The following CACUL1 variants were observed in gnomAD, a reference collection of about 807,000 sequenced individuals.
The protein encoded by CACUL1 is CDK2-associated and cullin domain-containing protein 1.
CACUL1 carries 13 observed loss-of-function variants against 45.2 expected under a neutral mutation model. The observed-to-expected ratio is 0.29, with a 90% confidence interval of 0.19 to 0.46. CACUL1 has a LOEUF of 0.46. CACUL1 is among the 20% of genes least tolerant of loss of function. The pLI is 1.00. For synonymous variants in CACUL1, 197 were observed against 174.2 expected, an observed-to-expected ratio of 1.13 and a Z score of -1.03; for missense variants, 421 against 471.4, an observed-to-expected ratio of 0.89 and a Z score of 0.99.
chr10:118,691,471 A>C (rs538431208), intron 6 of CACUL1, 68 bp from the exon 7 acceptor site: 13 of 1,437,260 alleles, frequency 9.0e-6, no homozygotes, highest in Middle Eastern at 1.9e-4. Context: ...GAAAAGGGAA[A>C]GTTTTCTTTT....
In CACUL1 at chr10:118,754,490, C is replaced by T; in HGVS notation, c.273G>A (p.Leu91=). The stretch of plus-strand genomic sequence containing the variant: ...CGGCGGCGGCCGCGTCGCAGCTCTT[C>T]AACATCATGATCACCCCATTAGCCT... ...PPEANGVIMM[L]KSCDAAAAVA... The change falls in exon 1 of 9, where the codon TTG becomes TTA. Residue 91 remains leucine, a synonymous_variant. Coordinates refer to ENST00000369151, the MANE Select transcript of CACUL1 (RefSeq NM_153810.5). 3 of 1,613,000 alleles carry T rather than the reference C, an allele frequency of 1.9e-6. No homozygotes were observed. Among genetic ancestry groups the T allele is most frequent in the Non-Finnish European group, 2.5e-6 (3 of 1,179,512 alleles).
chr10:118,715,200 C>A (rs1180987699), intron 3 of CACUL1, among the ~76,000 whole-genome samples: 1 of 152,082 alleles, frequency 6.6e-6, no homozygotes, highest in Non-Finnish European at 1.5e-5. Context: ...CGAAATACCA[C>A]TAAAAATATA....
chr10:118,707,703 A>AC (rs1249091352), intron 3 of CACUL1, 116 bp from the exon 4 acceptor site: 7 of 309,822 alleles, frequency 2.3e-5, no homozygotes, highest in East Asian at 1.1e-4. Flanking sequence ...ACAATTAACA[A>AC]AAAAAAAAAA....
chr10:118,751,794 G>GT (rs1845900780), intron 1 of CACUL1, among the ~76,000 whole-genome samples: 1 of 152,114 alleles, frequency 6.6e-6, no homozygotes, highest in Non-Finnish European at 1.5e-5. Flanking sequence ...TAGTATTCTT[G>GT]TAAGTAATTT....
At chr10:118,721,059 T>C (rs1441886188) in intron 3 of CACUL1, among the ~76,000 whole-genome samples, 1 of 152,218 alleles carries the variant, frequency 6.6e-6, no homozygotes, top group African/African-American at 2.4e-5. Flanking sequence ...AAAATCTTAT[T>C]CACTTTAGCA....
intron 1 of CACUL1, among the ~76,000 whole-genome samples, chr10:118,733,658 T>C (rs1166838830): frequency 6.6e-6 from 1 of 152,212 alleles, no homozygotes; most frequent in Admixed American, 6.5e-5. Context: ...AACTAGATCC[T>C]CTTGTTAAGA....
chr10:118,738,207 T>C (rs1001106515), intron 1 of CACUL1, among the ~76,000 whole-genome samples: 2 of 152,100 alleles, frequency 1.3e-5, no homozygotes, highest in Admixed American at 6.5e-5. Flanking sequence ...CAGGCATTTT[T>C]GGAAATGGGT....
rs141851356 is a variant in CACUL1 at position 118,720,395 on chromosome 10, C to T, written c.597+8900G>A. 2.9e-3 allele frequency among the ~76,000 whole-genome samples: 435 copies of T among 152,334 alleles called. 3 individuals carry two copies. Among genetic ancestry groups the T allele is most frequent in the African/African-American group, 0.01 (417 of 41,564 alleles). Reference sequence around the variant, plus strand: ...GTAACACTTAGCAAACAGTAACTTACTTACACTACTTACACCTATTTGCTA... The same window carrying T: ...GTAACACTTAGCAAACAGTAACTTATTTACACTACTTACACCTATTTGCTA... On this transcript the variant is annotated intron_variant, in intron 3 of 8. Transcript: ENST00000369151.
intron 5 of CACUL1, among the ~76,000 whole-genome samples, chr10:118,700,755 G>A (rs1002611472): frequency 2.7e-5 from 4 of 148,676 alleles, no homozygotes; most frequent in Non-Finnish European, 4.4e-5. Flanking sequence ...GAGGAGAAAC[G>A]AACTGAGCTT....
At chr10:118,748,207 C>A (rs766818491) in intron 1 of CACUL1, among the ~76,000 whole-genome samples, 2 of 152,212 alleles carry the variant, frequency 1.3e-5, no homozygotes, top group Non-Finnish European at 2.9e-5. Context: ...CGCACTCCGA[C>A]ATGTCTTATT....
At chr10:118,699,046 A>G (rs1845351462) in intron 5 of CACUL1, among the ~76,000 whole-genome samples, 1 of 152,220 alleles carries the variant, frequency 6.6e-6, no homozygotes, top group African/African-American at 2.4e-5. Flanking sequence ...AAATGGAGGT[A>G]ATGACTATAC....
chr10:118,680,956 C>T lies in CACUL1; in HGVS notation c.*5172G>A, dbSNP rs934672593. The T allele has an allele frequency of 6.6e-6, 1 of 152,162 alleles. No homozygotes were observed. The highest frequency in any genetic ancestry group is 1.5e-5 in the Non-Finnish European group (1 of 68,026). 9.4% of individuals were successfully genotyped at this position (152,162 alleles called of 1,614,324 possible). Reference sequence around the variant, plus strand: ...GGTATTAAGGCCAAGGACATCTGTACAGGATTTATAACATAACATAACAAG... The same window carrying T: ...GGTATTAAGGCCAAGGACATCTGTATAGGATTTATAACATAACATAACAAG... On this transcript the variant is annotated 3_prime_UTR_variant, in exon 9 of 9. Coordinates refer to ENST00000369151, the MANE Select transcript of CACUL1 (RefSeq NM_153810.5).
chr10:118,731,108 T>A (rs1845693612), intron 1 of CACUL1, among the ~76,000 whole-genome samples: 1 of 152,290 alleles, frequency 6.6e-6, no homozygotes, highest in African/African-American at 2.4e-5. Flanking sequence ...AAAGCATTTG[T>A]ACAGTGGATC....
chr10:118,736,693 A>G (rs900973404), intron 1 of CACUL1, among the ~76,000 whole-genome samples: 8 of 152,188 alleles, frequency 5.3e-5, no homozygotes, highest in Non-Finnish European at 8.8e-5. Context: ...CAATGTTTTT[A>G]AAGTCTAGAG....
intron 3 of CACUL1, among the ~76,000 whole-genome samples, chr10:118,714,597 G>A (rs1026606909): frequency 6.6e-6 from 1 of 152,032 alleles, no homozygotes; most frequent in Admixed American, 6.6e-5. Context: ...AAGTCTAACC[G>A]TAGTTTGTCA....
intron 1 of CACUL1, among the ~76,000 whole-genome samples, chr10:118,744,493 C>T (rs532599642): frequency 5.2e-4 from 79 of 152,206 alleles, no homozygotes; most frequent in African/African-American, 1.7e-3. Context: ...AGTGAGGAAA[C>T]GGAACTAATT....
chr10:118,754,732 C>T lies in CACUL1; in HGVS notation c.31G>A (p.Gly11Ser). The change falls in exon 1 of 9, where the codon GGC (glycine) becomes AGC (serine). Residue 11 changes from glycine (G) to serine (S), a missense_variant. Physicochemically the swap from Gly to Ser is moderately conservative, Grantham distance 56. Coordinates refer to ENST00000369151, the MANE Select transcript of CACUL1 (RefSeq NM_153810.5). MEESMEEEEG[G>S]SYEAMMDDQN... Reference sequence around the variant, plus strand: ...TCGTCCATCATCGCCTCGTAGCTGCCCCCCTCCTCCTCTTCCATGCTTTCC... The same window carrying T: ...TCGTCCATCATCGCCTCGTAGCTGCTCCCCTCCTCCTCTTCCATGCTTTCC... 1.9e-6 allele frequency: 3 copies of T among 1,600,994 alleles called. No homozygotes were observed. Among genetic ancestry groups the T allele is most frequent in the Non-Finnish European group, 2.6e-6 (3 of 1,175,162 alleles).
rs946062407 is a variant in CACUL1, at chr10:118,676,660, T to C, written c.*9468A>G. The C allele has an allele frequency of 1.3e-5, 2 of 152,182 alleles. No homozygotes were observed. The highest frequency in any genetic ancestry group is 4.8e-5 in the African/African-American group (2 of 41,406). The allele number at this position is 152,182 out of a possible 1,614,324, so 9.4% of individuals were successfully genotyped here. A position where few individuals can be genotyped will look rare whatever the true frequency, so the allele number is the denominator to read the frequency against. On this transcript the variant is annotated 3_prime_UTR_variant, in exon 9 of 9. Coordinates refer to ENST00000369151, the MANE Select transcript of CACUL1 (RefSeq NM_153810.5). ...GAGTTTCAAAAATGACAAGCATTTT[T>C]AATCATGACTCTCTCTAAAAGAACA...
chr10:118,744,180 G>T lies in CACUL1; in HGVS notation c.367+10216C>A, dbSNP rs1845818913. Among the ~76,000 whole-genome samples the T allele has an allele frequency of 2.0e-5, 3 of 152,224 alleles. No homozygotes were observed. In the South Asian group the frequency reaches 6.2e-4, roughly 32 times the overall value. On this transcript the variant is annotated intron_variant, in intron 1 of 8. Transcript: ENST00000369151. ...GAGGGTGGATCACCTGAGGTCAGGA[G>T]TTTGAGACCACCCTGGCCAACATGG...
Sources: gnomAD v4.1 joint callset for allele counts (sites outside exome capture counted in the v4.1 genomes callset) on GRCh38, gnomAD v4.1.1 for gene constraint, MANE v1.5 for transcripts, NCBI Gene and HGNC (gene_info 2026-07-23, HGNC 2026-07-21) for gene names.